The following PAK1 variants were observed in gnomAD, a reference collection of about 807,000 sequenced individuals.
The protein encoded by PAK1 is p21 (RAC1) activated kinase 1, also known as serine/threonine-protein kinase PAK 1.
Under a neutral mutation model 67.4 loss-of-function variants are expected in PAK1, and 29 were observed. The observed-to-expected ratio is 0.43, with a 90% CI of 0.32 to 0.59. The LOEUF (loss-of-function observed/expected upper bound fraction) is 0.59, where lower values mean the gene tolerates loss of function less well. PAK1 is among the 20% of genes least tolerant of loss of function. PAK1 has a pLI of 0.07. For missense variants in PAK1, 337 were observed against 670.7 expected, an observed-to-expected ratio of 0.50 and a Z score of 5.50; for synonymous variants, 223 against 237.4, an observed-to-expected ratio of 0.94 and a Z score of 0.56.
chr11:77,429,619 C>T (rs916147872), intron 1 of PAK1, among the ~76,000 whole-genome samples: 34 of 152,180 alleles, frequency 2.2e-4, no homozygotes, highest in Non-Finnish European at 8.8e-5. Context: ...CTATAAAACA[C>T]CTGCTTTATC....
chr11:77,325,133 C>T (rs1223129381), intron 14 of PAK1, among the ~76,000 whole-genome samples: 1 of 152,176 alleles, frequency 6.6e-6, no homozygotes, highest in African/African-American at 2.4e-5. Flanking sequence ...TTCTGCAATT[C>T]CCCTAAGTTG....
At chr11:77,435,657 C>CTTTTTT (rs35603502) in intron 1 of PAK1, among the ~76,000 whole-genome samples, 28 of 68,592 alleles carry the variant, frequency 4.1e-4, no homozygotes, top group African/African-American at 8.9e-4. Flanking sequence ...CTACACCTGG[C>CTTTTTT]TTTTTTTTTT....
At chr11:77,327,427 G>C (rs1247560596) in intron 14 of PAK1, among the ~76,000 whole-genome samples, 3 of 152,120 alleles carry the variant, frequency 2.0e-5, no homozygotes, top group African/African-American at 7.3e-5. Context: ...CAGACTAAAA[G>C]CTGATCTCTC....
intron 5 of PAK1, among the ~76,000 whole-genome samples, chr11:77,368,222 G>A (rs1241361200): frequency 6.6e-6 from 1 of 152,142 alleles, no homozygotes; most frequent in Admixed American, 6.6e-5. Context: ...AGCTTTCTGA[G>A]TAGAAAAAAA....
At chr11:77,504,835 G>A in the PAK1 span, among the ~76,000 whole-genome samples, 2 of 152,194 alleles carry the variant, frequency 1.3e-5, no homozygotes, top group African/African-American at 2.4e-5. Context: ...ACTTATGAGT[G>A]CTCACCATTA....
intron 1 of PAK1, among the ~76,000 whole-genome samples, chr11:77,470,214 T>G (rs1020680214): frequency 5.9e-5 from 9 of 152,210 alleles, no homozygotes; most frequent in African/African-American, 2.2e-4. Flanking sequence ...TGTTTTAGTT[T>G]TCCCCAACAA....
intron 1 of PAK1, among the ~76,000 whole-genome samples, chr11:77,395,434 C>T (rs964448106): frequency 1.2e-4 from 18 of 152,126 alleles, no homozygotes; most frequent in African/African-American, 3.9e-4. Flanking sequence ...TATACCTTGC[C>T]TTTAGGAAGT....
chr11:77,379,812 G>GGAAGATGA, intron 3 of PAK1, 82 bp downstream of exon 3: 1 of 927,658 alleles, frequency 1.1e-6, no homozygotes, highest in African/African-American at 1.7e-5. Flanking sequence ...AGAAGCATCA[G>GGAAGATGA]GAAGATGAGA....
At chr11:77,469,603 G>C (rs1957756243) in intron 1 of PAK1, among the ~76,000 whole-genome samples, 1 of 151,214 alleles carries the variant, frequency 6.6e-6, no homozygotes, top group Non-Finnish European at 1.5e-5. Context: ...ACTAAAGAAG[G>C]TCTCCTAACT....
At chr11:77,447,768 C>T (rs767676791) in intron 1 of PAK1, among the ~76,000 whole-genome samples, 7 of 152,108 alleles carry the variant, frequency 4.6e-5, no homozygotes, top group African/African-American at 9.7e-5. Flanking sequence ...TCAGGTGATC[C>T]GCCCACCTCA....
chr11:77,501,465 C>T, the PAK1 span, among the ~76,000 whole-genome samples: 5 of 152,124 alleles, frequency 3.3e-5, no homozygotes, highest in Admixed American at 2.0e-4. Flanking sequence ...CCCCTCTTCT[C>T]GGGTAATAAG....
intron 14 of PAK1, chr11:77,325,316 T>A (rs1334544816): frequency 1.2e-5 from 20 of 1,613,754 alleles, no homozygotes; most frequent in Non-Finnish European, 1.7e-5. Context: ...AAATCCTGGA[T>A]CTGCTACTTA....
At chr11:77,478,859 G>T (rs992631876), upstream of PAK1, among the ~76,000 whole-genome samples, 93 of 150,554 alleles carry the variant, frequency 6.2e-4, no homozygotes, top group Non-Finnish European at 2.5e-4. Flanking sequence ...GGCGGATCAT[G>T]AGGTCAGGAG....
intron 1 of PAK1, among the ~76,000 whole-genome samples, chr11:77,413,870 T>C (rs1168068756): frequency 6.6e-6 from 1 of 152,144 alleles, no homozygotes; most frequent in Non-Finnish European, 1.5e-5. Flanking sequence ...ACAGGGTGAA[T>C]GAGAGCCAGA....
rs1565655873 is a variant in PAK1 at position 77,391,754 on chromosome 11, T to TA, written c.190+576dup. 5.3e-5 allele frequency among the ~76,000 whole-genome samples: 8 copies of TA among 152,224 alleles called. No individual in the cohort carries two copies. In the South Asian group the frequency reaches 1.7e-3, roughly 32 times the overall value. The stretch of plus-strand genomic sequence containing the variant: ...AAATCACCACTATTCATCATATGAT[T>TA]ACTCTTCTATTAACAGAAGTTTTAT... On this transcript the variant is annotated intron_variant, in intron 2 of 14. Coordinates refer to ENST00000356341, the MANE Select transcript of PAK1 (RefSeq NM_002576.5).
chr11:77,453,559 A>G (rs183639276), intron 1 of PAK1, among the ~76,000 whole-genome samples: 25 of 152,144 alleles, frequency 1.6e-4, no homozygotes, highest in African/African-American at 5.8e-4. Flanking sequence ...GGTATTACAA[A>G]TTTTAATTAC....
At chr11:77,479,738 G>T in the PAK1 span, among the ~76,000 whole-genome samples, 33 of 146,666 alleles carry the variant, frequency 2.3e-4, no homozygotes, top group African/African-American at 8.4e-4. Flanking sequence ...CTCCCAATTA[G>T]CTGGGATTAC....
At chr11:77,428,445 G>A (rs190036836) in intron 1 of PAK1, among the ~76,000 whole-genome samples, 9 of 152,018 alleles carry the variant, frequency 5.9e-5, no homozygotes, top group Admixed American at 2.6e-4. Flanking sequence ...GATGGCAGAC[G>A]CCTGTAGCCC....
At chr11:77,379,674 C>G (rs927441871) in intron 3 of PAK1, among the ~76,000 whole-genome samples, 1 of 152,184 alleles carries the variant, frequency 6.6e-6, no homozygotes, top group African/African-American at 2.4e-5. Flanking sequence ...GCTACCAAGC[C>G]TACCATTTAA....
Sources: allele counts gnomAD v4.1 joint callset (sites outside exome capture counted in the v4.1 genomes callset), GRCh38; gene constraint gnomAD v4.1.1; transcripts MANE v1.5; gene names NCBI Gene and HGNC (gene_info 2026-07-23, HGNC 2026-07-21).